ASCC1: variants seen among roughly 807,000 people sequenced by gnomAD.
ASCC1 encodes the protein ASC-1 complex subunit P50.
Under a neutral mutation model 46.6 loss-of-function variants are expected in ASCC1, and 35 were observed. The observed-to-expected ratio is 0.75, with a 90% confidence interval of 0.57 to 0.99. ASCC1 has a LOEUF of 0.99. ASCC1 is among the 50% of genes least tolerant of loss of function. The probability of loss-of-function intolerance (pLI) is 0.00; values close to 1 mark genes in which losing one functional copy is unlikely to be tolerated. For missense variants in ASCC1, 376 were observed against 428.7 expected, an observed-to-expected ratio of 0.88 and a Z score of 1.09; for synonymous variants, 143 against 146.6, an observed-to-expected ratio of 0.98 and a Z score of 0.18.
chr10:72,117,897 A>C (rs1053781180), intron 9 of ASCC1, among the ~76,000 whole-genome samples: 5 of 152,256 alleles, frequency 3.3e-5, no homozygotes, highest in Non-Finnish European at 7.3e-5. Flanking sequence ...GTATTAAAAA[A>C]GGCACAAGAG....
chr10:72,181,878 G>A (rs184895294), intron 5 of ASCC1, among the ~76,000 whole-genome samples: 2 of 152,146 alleles, frequency 1.3e-5, no homozygotes, highest in East Asian at 1.9e-4. Context: ...TAGAGATGGG[G>A]TTTCACCATG....
Position 72,096,837 on chromosome 10 carries a change from C to G in ASCC1, c.*497G>C, listed in dbSNP as rs1039062319. On this transcript the variant is annotated 3_prime_UTR_variant, in exon 10 of 10. Transcript: ENST00000672957. The stretch of plus-strand genomic sequence containing the variant: ...AAAGACAAGTCACTGTATGATTCCA[C>G]TTATATGAGATACTGAGAATAGTCA... The G allele has an allele frequency of 2.2e-6, 1 of 453,930 alleles. No homozygotes were observed. 28.1% of individuals were successfully genotyped at this position (453,930 alleles called of 1,614,324 possible). A position where few individuals can be genotyped will look rare whatever the true frequency, so the allele number is the denominator to read the frequency against.
rs1844727833 is a variant in ASCC1, at chr10:72,125,275, C to T, written c.957+2807G>A. On this transcript the variant is annotated intron_variant, in intron 9 of 9. Coordinates refer to ENST00000672957, the MANE Select transcript of ASCC1 (RefSeq NM_001198800.3). ...TTTTTTTTCTAAGGCTGCCTCCCAT[C>T]ACCAGCATTCCTGATCCTTGGCCTA... 2.6e-5 allele frequency among the ~76,000 whole-genome samples: 4 copies of T among 152,118 alleles called. No homozygotes were observed. In the South Asian group the frequency reaches 8.3e-4, roughly 32 times the overall value.
intron 1 of ASCC1, chr10:72,215,824 T>A (rs892599942): frequency 2.0e-5 from 3 of 152,364 alleles, no homozygotes; most frequent in Non-Finnish European, 4.4e-5. Flanking sequence ...AAGCTGTGTC[T>A]TTCTGCAATA....
chr10:72,115,518 A>G (rs1257170045), intron 9 of ASCC1, among the ~76,000 whole-genome samples: 1 of 152,260 alleles, frequency 6.6e-6, no homozygotes, highest in African/African-American at 2.4e-5. Context: ...CATATTATGG[A>G]GTGAATTTTT....
intron 4 of ASCC1, 111 bp downstream of exon 4, chr10:72,203,316 C>T (rs1447433734): frequency 1.2e-6 from 1 of 843,332 alleles, no homozygotes; most frequent in South Asian, 1.4e-5. Flanking sequence ...AGAAAAAGCC[C>T]ATAGCTAGAA....
At chr10:72,187,171 C>T (rs1190161525) in intron 5 of ASCC1, among the ~76,000 whole-genome samples, 4 of 152,020 alleles carry the variant, frequency 2.6e-5, no homozygotes, top group Non-Finnish European at 2.9e-5. Flanking sequence ...CCACTAAGAA[C>T]GAAGTCATCT....
At chr10:72,108,911 G>A (rs537164201) in intron 9 of ASCC1, among the ~76,000 whole-genome samples, 11 of 152,148 alleles carry the variant, frequency 7.2e-5, no homozygotes, top group Non-Finnish European at 1.5e-4. Context: ...TCATTATCTG[G>A]TCTCATAGGG....
intron 4 of ASCC1, among the ~76,000 whole-genome samples, chr10:72,199,756 GAC>G (rs1487370487): frequency 6.6e-6 from 1 of 151,868 alleles, no homozygotes; most frequent in African/African-American, 2.4e-5. Context: ...TTTGTTTTGA[GAC>G]AGTCTCGCTC....
Position 72,203,487 on chromosome 10 carries a change from T to C in ASCC1, c.250A>G (p.Ile84Val). The C allele has an allele frequency of 6.2e-7, 1 of 1,613,454 alleles. No homozygotes were observed. The highest frequency in any genetic ancestry group is 1.1e-5 in the South Asian group (1 of 91,068). Residue 84 changes from isoleucine (I) to valine (V), a missense_variant, in exon 4 of 10, where the codon ATA becomes GTA. Ile to Val is a conservative substitution (Grantham distance 29, BLOSUM62 3). Transcript: ENST00000672957. ...ATAGAAGTTTTGGTCTCCATTTCTA[T>C]TTTCTTCCTAGTGTCCCCTCTCTTT... ...VGKRGDTRKK[I>V]EMETKTSISI...
rs1355226311 is a variant in ASCC1, at chr10:72,097,125, T to TA, written c.*208dup. On this transcript the variant is annotated 3_prime_UTR_variant, in exon 10 of 10. Coordinates refer to ENST00000672957, the MANE Select transcript of ASCC1 (RefSeq NM_001198800.3). Reference sequence around the variant, plus strand: ...AAAAACCAGAACACACTAAGGGTTATAGGCACAAATTCTCCTTATGCCCAC... The same window carrying TA: ...AAAAACCAGAACACACTAAGGGTTATAAGGCACAAATTCTCCTTATGCCCAC... The TA allele has an allele frequency of 3.1e-6, 2 of 643,218 alleles. No individual in the cohort carries two copies. The highest frequency in any genetic ancestry group is 3.6e-5 in the African/African-American group (2 of 56,080). The allele number at this position is 643,218 out of a possible 1,614,324, so 39.8% of individuals were successfully genotyped here.
rs1165393330 is a variant in ASCC1, at chr10:72,101,943, T to G, written c.958-4493A>C. ...AGACCGGAGCTAAATGATGAGAACT[T>G]ATAAACACAAAGAAGGAAACAACAG... On this transcript the variant is annotated intron_variant, in intron 9 of 9. Coordinates refer to ENST00000672957, the MANE Select transcript of ASCC1 (RefSeq NM_001198800.3). 2.0e-5 allele frequency among the ~76,000 whole-genome samples: 3 copies of G among 151,910 alleles called. No homozygotes were observed. In the East Asian group the frequency reaches 5.8e-4, roughly 29 times the overall value.
chr10:72,210,907 C>G (rs1857992479), intron 2 of ASCC1, 76 bp from the exon 3 acceptor site: 2 of 1,397,612 alleles, frequency 1.4e-6, no homozygotes, highest in Non-Finnish European at 2.0e-6. Context: ...AGCTGTCAAC[C>G]GCTGTTGAGG....
upstream of ASCC1, chr10:72,216,809 GC>G: frequency 2.2e-6 from 1 of 456,154 alleles, no homozygotes; most frequent in Non-Finnish European, 4.4e-6. Context: ...TCCACTGTCA[GC>G]CCCAACTTAC....
chr10:72,141,070 T>TAGAC (rs1430673699), intron 7 of ASCC1, among the ~76,000 whole-genome samples: 4 of 150,906 alleles, frequency 2.7e-5, no homozygotes, highest in Admixed American at 1.3e-4. Flanking sequence ...GATAGATAGA[T>TAGAC]AGATAGATAG....
chr10:72,194,297 C>A (rs1855017507), intron 5 of ASCC1, among the ~76,000 whole-genome samples: 1 of 148,252 alleles, frequency 6.7e-6, no homozygotes, highest in African/African-American at 2.5e-5. Flanking sequence ...CTTTATCTCA[C>A]AAATAATTGA....
At chr10:72,196,728 C>G in intron 5 of ASCC1, 83 bp downstream of exon 5, 1 of 1,368,192 alleles carries the variant, frequency 7.3e-7, no homozygotes, top group Non-Finnish European at 1.0e-6. Flanking sequence ...TTTATAACTC[C>G]CTACTGTTTG....
intron 7 of ASCC1, among the ~76,000 whole-genome samples, chr10:72,139,379 T>C (rs1393312634): frequency 6.6e-6 from 1 of 152,198 alleles, no homozygotes; most frequent in East Asian, 1.9e-4. Context: ...CCTCCCAAAG[T>C]GCTGGGATTA....
rs138474130 is a variant in ASCC1, at chr10:72,156,717, A to T, written c.627-3729T>A. 4.2e-3 allele frequency among the ~76,000 whole-genome samples: 630 copies of T among 151,408 alleles called. 9 individuals carry two copies. The highest frequency in any genetic ancestry group is 0.014 in the African/African-American group (566 of 41,256). On this transcript the variant is annotated intron_variant, in intron 6 of 9. Coordinates refer to ENST00000672957, the MANE Select transcript of ASCC1 (RefSeq NM_001198800.3). ...AACCCAGGGGGCGGAGCTTGCAGTG[A>T]GCAGAGATCTCGCCACTGCACTCCA...
Sources: gnomAD v4.1 joint callset for allele counts (sites outside exome capture counted in the v4.1 genomes callset) on GRCh38, gnomAD v4.1.1 for gene constraint, MANE v1.5 for transcripts, NCBI Gene and HGNC (gene_info 2026-07-23, HGNC 2026-07-21) for gene names.